RORA: variants seen among roughly 807,000 people sequenced by gnomAD.
The protein encoded by RORA is RAR related orphan receptor A, also known as nuclear receptor ROR-alpha.
In RORA, 7 loss-of-function variants were observed where a neutral mutation model predicts 69.5. That is an observed-to-expected ratio of 0.10 (90% CI 0.06 to 0.19). The LOEUF is 0.19. Ranked by LOEUF, RORA falls within the 10% of genes least tolerant of loss-of-function variation. The pLI, the probability that RORA is intolerant of heterozygous loss-of-function variation, is 1.00. For synonymous variants in RORA, 261 were observed against 240.8 expected (o/e 1.08, Z -0.78); for missense variants, 457 against 663.0 (o/e 0.69, Z 3.41).
rs1555428642 is a variant in RORA, at chr15:60,540,574, C to CCCCCCG, written c.197-8724_197-8723insCGGGGG. Among the ~76,000 whole-genome samples, 70 of 102,622 alleles carry CCCCCCG rather than the reference C, an allele frequency of 6.8e-4. 4 individuals are homozygous for CCCCCCG. Among genetic ancestry groups the CCCCCCG allele is most frequent in the African/African-American group, 2.6e-3 (59 of 22,360 alleles). The allele number at this position is 102,622 out of a possible 152,430, so 67.3% of individuals were successfully genotyped here. On this transcript the variant is annotated intron_variant, in intron 2 of 10. Coordinates refer to ENST00000335670, the MANE Select transcript of RORA (RefSeq NM_134261.3). ...TGCACAATTTCCATGACCCCCCCCC[C>CCCCCCG]CCAAAACTGTGCGGTCACAAAACCC...
chr15:61,080,324 G>T (rs1595959917), intron 1 of RORA, among the ~76,000 whole-genome samples: 1 of 151,990 alleles, frequency 6.6e-6, no homozygotes, highest in South Asian at 2.1e-4. Flanking sequence ...CCATATCTTT[G>T]CACCTGTCAC....
At chr15:60,739,357 G>T (rs921803015) in intron 1 of RORA, among the ~76,000 whole-genome samples, 1 of 152,148 alleles carries the variant, frequency 6.6e-6, no homozygotes, top group Non-Finnish European at 1.5e-5. Flanking sequence ...TGGATCACTT[G>T]AACTCAGGCT....
rs1595848750 is a variant in RORA, at chr15:60,489,787, T to C, written c.*7668A>G. 6.6e-6 allele frequency: 1 copy of C among 152,278 alleles called. No individual in the cohort carries two copies. Among genetic ancestry groups the C allele is most frequent in the East Asian group, 1.9e-4 (1 of 5,186 alleles). The allele number at this position is 152,278 out of a possible 1,614,324, so 9.4% of individuals were successfully genotyped here. A position where few individuals can be genotyped will look rare whatever the true frequency, so the allele number is the denominator to read the frequency against. ...TAGGATATTTTATGTAAATGCCCAT[T>C]ATCTATAATAGGAGCTAAGAATACA... is the stretch of plus-strand genomic sequence containing the variant. On this transcript the variant is annotated 3_prime_UTR_variant, in exon 11 of 11. Transcript: ENST00000335670.
intron 2 of RORA, among the ~76,000 whole-genome samples, chr15:60,592,150 A>G (rs987191115): frequency 1.3e-5 from 2 of 151,878 alleles, no homozygotes; most frequent in Non-Finnish European, 2.9e-5. Flanking sequence ...CGGAGGGGGC[A>G]GCAGAGGGGG....
At chr15:60,579,374 A>G (rs1447570795) in intron 2 of RORA, among the ~76,000 whole-genome samples, 3 of 152,084 alleles carry the variant, frequency 2.0e-5, no homozygotes, top group Admixed American at 6.5e-5. Flanking sequence ...AACGCTCTCT[A>G]ATCTGCTAAA....
chr15:61,105,539 T>C (rs1170525904), intron 1 of RORA, among the ~76,000 whole-genome samples: 4 of 152,194 alleles, frequency 2.6e-5, no homozygotes, highest in Non-Finnish European at 5.9e-5. Context: ...AAAGGTACTC[T>C]CCTCTTCTGC....
Position 60,500,971 on chromosome 15 carries a change from G to A in RORA, c.1282C>T (p.Leu428=), listed in dbSNP as rs1404504250. 4.4e-6 allele frequency: 7 copies of A among 1,579,586 alleles called. No homozygotes were observed. Among genetic ancestry groups the A allele is most frequent in the Non-Finnish European group, 6.1e-6 (7 of 1,149,454 alleles). ...DEIALFSAFV[L]MSADRSWLQE... ...TTGGTTGTCTTACCTGCTGACATCA[G>A]TACAAATGCAGAAAATAATGCAATT... The change falls in exon 9 of 11, where the codon CTG becomes TTG. Residue 428 remains leucine (L), a synonymous_variant. Coordinates refer to ENST00000335670, the MANE Select transcript of RORA (RefSeq NM_134261.3).
chr15:60,546,779 C>T (rs1345068583), intron 2 of RORA, among the ~76,000 whole-genome samples: 1 of 152,136 alleles, frequency 6.6e-6, no homozygotes, highest in East Asian at 1.9e-4. Flanking sequence ...AAGCACCAAG[C>T]GGCCTCATGA....
At chr15:61,119,171 A>G (rs529400366) in intron 1 of RORA, among the ~76,000 whole-genome samples, 1 of 151,542 alleles carries the variant, frequency 6.6e-6, no homozygotes, top group East Asian at 1.9e-4. Context: ...CTTCCCAGAG[A>G]TATTTTCAGG....
chr15:60,645,757 C>G (rs1039157783), intron 2 of RORA, among the ~76,000 whole-genome samples: 12 of 150,938 alleles, frequency 8.0e-5, no homozygotes, highest in Non-Finnish European at 2.9e-5. Flanking sequence ...TACTACCCAT[C>G]CTCTTCTTCC....
intron 1 of RORA, among the ~76,000 whole-genome samples, chr15:61,137,028 AAAGAAAGAAAGAAAG>A (rs2079248012): frequency 1.5e-5 from 1 of 65,866 alleles, no homozygotes; most frequent in Non-Finnish European, 3.0e-5. Context: ...AAAAAGAAAG[AAAGAAAGAAAGAAAG>A]AAAGAAAGAA....
intron 1 of RORA, among the ~76,000 whole-genome samples, chr15:60,763,405 A>G (rs2071929721): frequency 1.3e-5 from 2 of 152,166 alleles, no homozygotes; most frequent in African/African-American, 2.4e-5. Context: ...CAAGAAAAAA[A>G]GTTCCCTTAA....
At chr15:61,210,853 T>C (rs1299607031) in intron 1 of RORA, among the ~76,000 whole-genome samples, 1 of 152,238 alleles carries the variant, frequency 6.6e-6, no homozygotes, top group African/African-American at 2.4e-5. Context: ...TTTCAAACAA[T>C]GCAACCTAAC....
chr15:60,851,348 T>G (rs1258882827), intron 1 of RORA, among the ~76,000 whole-genome samples: 1 of 152,164 alleles, frequency 6.6e-6, no homozygotes, highest in Non-Finnish European at 1.5e-5. Flanking sequence ...GTTCCTTCTG[T>G]GCAAGAAGGC....
intron 1 of RORA, among the ~76,000 whole-genome samples, chr15:61,060,410 C>T (rs1474358588): frequency 6.6e-6 from 1 of 152,192 alleles, no homozygotes; most frequent in Non-Finnish European, 1.5e-5. Context: ...TTTCAGGTGG[C>T]TGTCATGACA....
chr15:60,759,422 A>G (rs1051099863), intron 1 of RORA, among the ~76,000 whole-genome samples: 9 of 152,196 alleles, frequency 5.9e-5, no homozygotes, highest in Admixed American at 5.2e-4. Context: ...TGAGGGGGAC[A>G]TGGGGGCCAA....
Position 60,505,536 on chromosome 15 carries a change from T to C in RORA, c.914A>G (p.Gln305Arg), listed in dbSNP as rs2065471553. The C allele has an allele frequency of 1.2e-6, 2 of 1,614,034 alleles. No homozygotes were observed. Among genetic ancestry groups the C allele is most frequent in the East Asian group, 2.2e-5 (1 of 44,868 alleles). Reference sequence around the variant, plus strand: ...GTTTTGATAGTTCTCAATTTCTTCCTGTAAAAAGGTCTGCCACGTTATCTG... The same window carrying C: ...GTTTTGATAGTTCTCAATTTCTTCCCGTAAAAAGGTCTGCCACGTTATCTG... ...LQQITWQTFL[Q>R]EEIENYQNKQ... Residue 305 changes from glutamine (Q) to arginine (R), a missense_variant, in exon 6 of 11, where the codon CAG becomes CGG. By Grantham distance (43) the Gln-to-Arg change is conservative. Coordinates refer to ENST00000335670, the MANE Select transcript of RORA (RefSeq NM_134261.3).
intron 1 of RORA, among the ~76,000 whole-genome samples, chr15:61,137,433 C>T (rs1255007895): frequency 1.3e-5 from 2 of 152,214 alleles, no homozygotes; most frequent in Admixed American, 6.5e-5. Context: ...AAGGAACAGA[C>T]CTTAAGTTCT....
intron 2 of RORA, among the ~76,000 whole-genome samples, chr15:60,611,558 G>GAAAAA (rs1567122905): frequency 1.2e-3 from 3 of 2,456 alleles, no homozygotes; most frequent in East Asian, 7.8e-3. Context: ...CTTGAGTTTT[G>GAAAAA]CAAAAAAAAA....
Sources: gnomAD v4.1 joint callset for allele counts (sites outside exome capture counted in the v4.1 genomes callset) on GRCh38, gnomAD v4.1.1 for gene constraint, MANE v1.5 for transcripts, NCBI Gene and HGNC (gene_info 2026-07-23, HGNC 2026-07-21) for gene names.